Variants in HCN1 observed in about 807,000 individuals in gnomAD.
HCN1 encodes potassium/sodium hyperpolarization-activated cyclic nucleotide-gated channel 1.
HCN1 carries 13 observed loss-of-function variants against 78.9 expected under a neutral mutation model. That is an observed-to-expected ratio of 0.16 (90% CI 0.11 to 0.26). The LOEUF (loss-of-function observed/expected upper bound fraction) is 0.26, where lower values mean the gene tolerates loss of function less well. Among genes scored for constraint, HCN1 ranks in the 10% least tolerant of loss-of-function variants. The probability of loss-of-function intolerance (pLI) is 1.00; values close to 1 mark genes in which losing one functional copy is unlikely to be tolerated. For synonymous variants in HCN1, 552 were observed against 455.5 expected, an observed-to-expected ratio of 1.21 and a Z score of -2.70; for missense variants, 810 against 1,154.3, an observed-to-expected ratio of 0.70 and a Z score of 4.32.
At chr5:45,535,681 C>A (rs1449759883) in intron 2 of HCN1, among the ~76,000 whole-genome samples, 1 of 152,060 alleles carries the variant, frequency 6.6e-6, no homozygotes, top group African/African-American at 2.4e-5. Context: ...CTCAATAAGT[C>A]TCAGTGTTCA....
At chr5:45,672,455 A>G (rs1280138220) in intron 1 of HCN1, among the ~76,000 whole-genome samples, 2 of 151,302 alleles carry the variant, frequency 1.3e-5, no homozygotes, top group Non-Finnish European at 1.5e-5. Flanking sequence ...TAGTATTTAT[A>G]GTTGTATTAC....
chr5:45,527,919 T>C (rs548778831), intron 2 of HCN1, among the ~76,000 whole-genome samples: 1 of 139,204 alleles, frequency 7.2e-6, no homozygotes, highest in Non-Finnish European at 1.6e-5. Flanking sequence ...CTGTGTCTGA[T>C]TCTAAATTTA....
intron 2 of HCN1, among the ~76,000 whole-genome samples, chr5:45,582,425 G>T (rs150548792): frequency 1.3e-5 from 2 of 152,142 alleles, no homozygotes; most frequent in Non-Finnish European, 2.9e-5. Context: ...TTTGGGCTGA[G>T]ATGATGGGGT....
At chr5:45,534,254 G>A (rs974155530) in intron 2 of HCN1, among the ~76,000 whole-genome samples, 10 of 150,726 alleles carry the variant, frequency 6.6e-5, no homozygotes, top group Admixed American at 4.6e-4. Flanking sequence ...AAAAGTAGCC[G>A]GGCATGGTGG....
At chr5:45,525,075 T>C (rs938798930) in intron 2 of HCN1, among the ~76,000 whole-genome samples, 1 of 152,152 alleles carries the variant, frequency 6.6e-6, no homozygotes, top group Admixed American at 6.6e-5. Context: ...GAAGGGCTGT[T>C]GAATTTTGTC....
At chr5:45,596,485 T>C (rs1165525123) in intron 2 of HCN1, among the ~76,000 whole-genome samples, 1 of 152,172 alleles carries the variant, frequency 6.6e-6, no homozygotes, top group Non-Finnish European at 1.5e-5. Flanking sequence ...CAAATAGGAA[T>C]GTCAATGAAT....
chr5:45,617,735 G>A (rs1241272725), intron 2 of HCN1, among the ~76,000 whole-genome samples: 2 of 151,372 alleles, frequency 1.3e-5, no homozygotes, highest in Non-Finnish European at 3.0e-5. Flanking sequence ...AAATTTAGGA[G>A]AAATGTTTTC....
intron 6 of HCN1, among the ~76,000 whole-genome samples, chr5:45,298,534 A>G (rs990477299): frequency 2.0e-5 from 3 of 152,058 alleles, no homozygotes; most frequent in Non-Finnish European, 4.4e-5. Context: ...AGAGATCCCA[A>G]TAGCCAAAGA....
intron 2 of HCN1, among the ~76,000 whole-genome samples, chr5:45,625,460 C>G (rs1423490399): frequency 6.6e-6 from 1 of 152,014 alleles, no homozygotes; most frequent in Non-Finnish European, 1.5e-5. Context: ...TTCCTGATAC[C>G]TCATACCAAT....
At chr5:45,423,587 T>G (rs1028698942) in intron 3 of HCN1, among the ~76,000 whole-genome samples, 7 of 152,232 alleles carry the variant, frequency 4.6e-5, no homozygotes, top group Non-Finnish European at 1.0e-4. Flanking sequence ...TATCCATTCT[T>G]GAATATCCAG....
At chr5:45,392,230 T>C (rs1297045561) in intron 4 of HCN1, among the ~76,000 whole-genome samples, 2 of 152,172 alleles carry the variant, frequency 1.3e-5, no homozygotes, top group Non-Finnish European at 2.9e-5. Context: ...ACCATTAGCT[T>C]ACACAAATTT....
At chr5:45,621,483 T>G (rs1580003364) in intron 2 of HCN1, among the ~76,000 whole-genome samples, 1 of 152,300 alleles carries the variant, frequency 6.6e-6, no homozygotes, top group Non-Finnish European at 1.5e-5. Context: ...AATTATATTT[T>G]TCTGTAGTAC....
intron 6 of HCN1, among the ~76,000 whole-genome samples, chr5:45,291,678 G>A (rs1745379919): frequency 6.6e-6 from 1 of 151,786 alleles, no homozygotes; most frequent in African/African-American, 2.4e-5. Context: ...GTAGTTGTAT[G>A]TGCTACCACA....
At chr5:45,655,016 A>G (rs1180165080) in intron 1 of HCN1, among the ~76,000 whole-genome samples, 3 of 152,272 alleles carry the variant, frequency 2.0e-5, no homozygotes, top group East Asian at 1.9e-4. Context: ...TTATTAATAC[A>G]TAAGATGCCA....
intron 1 of HCN1, among the ~76,000 whole-genome samples, chr5:45,648,242 A>G (rs1322588995): frequency 6.6e-6 from 1 of 152,202 alleles, no homozygotes; most frequent in Non-Finnish European, 1.5e-5. Flanking sequence ...GCATTTCTGT[A>G]ATTAAGATAG....
chr5:45,510,742 TG>T (rs1374767767), intron 2 of HCN1, among the ~76,000 whole-genome samples: 1 of 152,018 alleles, frequency 6.6e-6, no homozygotes, highest in Non-Finnish European at 1.5e-5. Context: ...ACATTCCAGG[TG>T]GGCAAAAGAA....
intron 5 of HCN1, among the ~76,000 whole-genome samples, chr5:45,335,753 T>C (rs966802855): frequency 2.0e-4 from 31 of 152,112 alleles, no homozygotes; most frequent in Non-Finnish European, 2.9e-4. Context: ...TTCTGCATTT[T>C]TATGTGTTTT....
intron 1 of HCN1, among the ~76,000 whole-genome samples, chr5:45,659,679 C>T (rs1163217329): frequency 7.3e-6 from 1 of 137,278 alleles, no homozygotes; most frequent in African/African-American, 2.9e-5. Context: ...GGAGCCGATG[C>T]AATCAACTGG....
intron 4 of HCN1, among the ~76,000 whole-genome samples, chr5:45,363,887 C>T (rs1222343206): frequency 2.6e-5 from 4 of 152,008 alleles, no homozygotes; most frequent in Non-Finnish European, 5.9e-5. Context: ...TTTTTCTTCC[C>T]AGTCTCGGGT....
Sources: allele counts gnomAD v4.1 joint callset (sites outside exome capture counted in the v4.1 genomes callset), GRCh38; gene constraint gnomAD v4.1.1; transcripts MANE v1.5; gene names NCBI Gene and HGNC (gene_info 2026-07-23, HGNC 2026-07-21).